Variants in NKAIN3 observed in about 807,000 individuals in gnomAD.
The protein encoded by NKAIN3 is sodium/potassium-transporting ATPase subunit beta-1-interacting protein 3.
NKAIN3 carries 25 observed loss-of-function variants against 30.2 expected under a neutral mutation model. That is an observed-to-expected ratio of 0.83 (90% CI 0.60 to 1.16). The LOEUF (loss-of-function observed/expected upper bound fraction) is 1.16. Among genes scored for constraint, NKAIN3 ranks in the 50% most tolerant of loss-of-function variants. The pLI, the probability that NKAIN3 is intolerant of heterozygous loss-of-function variation, is 0.00. For missense variants in NKAIN3, 225 were observed against 254.1 expected (o/e 0.89, Z 0.78); for synonymous variants, 91 against 89.6 (o/e 1.02, Z -0.09).
chr8:62,383,339 G>A (rs1453967967), intron 1 of NKAIN3, among the ~76,000 whole-genome samples: 2 of 152,090 alleles, frequency 1.3e-5, no homozygotes, highest in Non-Finnish European at 2.9e-5. Context: ...CAGCTTTATA[G>A]ATAAGGGGAG....
rs143565548 is a variant in NKAIN3, at chr8:62,291,829, C to T, written c.54+42702C>T. Among the ~76,000 whole-genome samples, 152 of 152,016 alleles carry T rather than the reference C, an allele frequency of 1.0e-3. No individual in the cohort carries two copies. The Middle Eastern group carries it at 0.017, about 17-fold the overall frequency. ...TCTCGTTGATCTGTCTAATGTTGACCGTGGGATGTGAAAGTCTCCCATTAT... is the reference window on the plus strand; with the variant it reads ...TCTCGTTGATCTGTCTAATGTTGACTGTGGGATGTGAAAGTCTCCCATTAT... On this transcript the variant is annotated intron_variant, in intron 1 of 6. Transcript: ENST00000623646.
chr8:62,635,202 C>T (rs1812089646), intron 3 of NKAIN3, among the ~76,000 whole-genome samples: 1 of 152,036 alleles, frequency 6.6e-6, no homozygotes, highest in South Asian at 2.1e-4. Flanking sequence ...ACAGGAAACA[C>T]CTGAAAAATA....
chr8:62,258,323 A>G (rs1261269945), intron 1 of NKAIN3, among the ~76,000 whole-genome samples: 1 of 152,200 alleles, frequency 6.6e-6, no homozygotes, highest in South Asian at 2.1e-4. Flanking sequence ...ATTTGTTTTC[A>G]TCAGGTGAAG....
chr8:62,281,315 C>A (rs1464894491), intron 1 of NKAIN3, among the ~76,000 whole-genome samples: 2 of 152,018 alleles, frequency 1.3e-5, no homozygotes, highest in East Asian at 3.9e-4. Flanking sequence ...TTGATCTTTT[C>A]AAAAAACCAG....
intron 1 of NKAIN3, among the ~76,000 whole-genome samples, chr8:62,555,824 G>T (rs1809369486): frequency 6.6e-6 from 1 of 151,958 alleles, no homozygotes; most frequent in Non-Finnish European, 1.5e-5. Flanking sequence ...AATATTTTAA[G>T]ACCTGATAGA....
intron 1 of NKAIN3, among the ~76,000 whole-genome samples, chr8:62,476,215 T>G (rs182962734): frequency 1.4e-4 from 21 of 152,270 alleles, no homozygotes; most frequent in African/African-American, 4.3e-4. Context: ...TTCAAGGGAA[T>G]GTAGTGACTA....
At chr8:62,950,826 G>A (rs773343918) in intron 5 of NKAIN3, among the ~76,000 whole-genome samples, 4 of 151,254 alleles carry the variant, frequency 2.6e-5, no homozygotes, top group Non-Finnish European at 4.4e-5. Context: ...GTTTTCAAAT[G>A]AAATATTACT....
chr8:62,843,295 TTTC>T (rs554953060), intron 4 of NKAIN3, among the ~76,000 whole-genome samples: 30 of 151,566 alleles, frequency 2.0e-4, no homozygotes, highest in African/African-American at 6.8e-4. Context: ...TAACGTCTTT[TTTC>T]TTTTTTTAAT....
At chr8:62,294,465 A>G (rs573040618) in intron 1 of NKAIN3, among the ~76,000 whole-genome samples, 309 of 152,332 alleles carry the variant, frequency 2.0e-3, no homozygotes, top group Non-Finnish European at 3.1e-3. Context: ...TGACTACACA[A>G]AAAGGATTAT....
intron 3 of NKAIN3, among the ~76,000 whole-genome samples, chr8:62,717,131 G>A (rs1384037899): frequency 6.6e-6 from 1 of 152,176 alleles, no homozygotes. Context: ...GGCTTGACTA[G>A]AGCTGAAAAG....
intron 5 of NKAIN3, among the ~76,000 whole-genome samples, chr8:62,932,547 T>A (rs10108087): frequency 0.24 from 36,074 of 152,048 alleles, 4,695 homozygotes; most frequent in African/African-American, 0.34. Context: ...TAAGCTATAA[T>A]AGCACAGAAA....
At chr8:62,941,671 G>A (rs549293810) in intron 5 of NKAIN3, among the ~76,000 whole-genome samples, 153 of 152,042 alleles carry the variant, frequency 1.0e-3, no homozygotes, top group African/African-American at 3.0e-3. Flanking sequence ...TCACATGATC[G>A]TATCGACAGA....
intron 1 of NKAIN3, among the ~76,000 whole-genome samples, chr8:62,325,599 G>A (rs531480731): frequency 6.6e-6 from 1 of 152,098 alleles, no homozygotes; most frequent in South Asian, 2.1e-4. Context: ...ATTCCCACAT[G>A]CAGTGTAAAA....
intron 1 of NKAIN3, among the ~76,000 whole-genome samples, chr8:62,468,715 A>G (rs1281480402): frequency 2.6e-5 from 4 of 152,172 alleles, no homozygotes; most frequent in Non-Finnish European, 5.9e-5. Flanking sequence ...ATGCATTATG[A>G]GTGTATGGCC....
At position 62,869,790 on chromosome 8, in the gene NKAIN3, CAG is replaced by C. The variant is rs553897733; in HGVS notation, c.472-48660_472-48659del. Reference sequence around the variant, plus strand: ...TTTTGTTTTTGTTTTTGTTTTGAGACAGAGTCTAGCTCTGTTGCCCAGGCTGG... The same window carrying C: ...TTTTGTTTTTGTTTTTGTTTTGAGACAGTCTAGCTCTGTTGCCCAGGCTGG... On this transcript the variant is annotated intron_variant, in intron 4 of 6. Coordinates refer to ENST00000623646, the MANE Select transcript of NKAIN3 (RefSeq NM_001304533.3). Among the ~76,000 whole-genome samples the C allele has an allele frequency of 2.0e-4, 31 of 152,106 alleles. No individual in the cohort carries two copies. In the East Asian group the frequency reaches 5.6e-3, roughly 28 times the overall value.
chr8:62,505,942 T>A (rs1362679230), intron 1 of NKAIN3, among the ~76,000 whole-genome samples: 1 of 152,084 alleles, frequency 6.6e-6, no homozygotes, highest in South Asian at 2.1e-4. Flanking sequence ...GTTTCCCTTC[T>A]TTTTTTAGCC....
At chr8:62,892,543 A>G (rs1240693513) in intron 4 of NKAIN3, among the ~76,000 whole-genome samples, 2 of 152,232 alleles carry the variant, frequency 1.3e-5, no homozygotes, top group Non-Finnish European at 2.9e-5. Flanking sequence ...AAATACAGAT[A>G]CAAACATATT....
intron 4 of NKAIN3, among the ~76,000 whole-genome samples, chr8:62,756,689 T>C (rs1266132512): frequency 1.3e-5 from 2 of 152,210 alleles, no homozygotes; most frequent in East Asian, 3.8e-4. Context: ...TATGGTTATC[T>C]ATCTTTTGTC....
intron 3 of NKAIN3, among the ~76,000 whole-genome samples, chr8:62,693,677 T>TAA (rs991192044): frequency 3.6e-4 from 55 of 152,324 alleles, no homozygotes; most frequent in African/African-American, 1.2e-3. Flanking sequence ...CTTGCTTTGT[T>TAA]AAAGTATGGA....
Sources: allele counts gnomAD v4.1 joint callset (sites outside exome capture counted in the v4.1 genomes callset), GRCh38; gene constraint gnomAD v4.1.1; transcripts MANE v1.5; gene names NCBI Gene and HGNC (gene_info 2026-07-23, HGNC 2026-07-21).